SLC3A1: variants seen among roughly 807,000 people sequenced by gnomAD.
SLC3A1 encodes solute carrier family 3 member 1, also known as amino acid transporter heavy chain SLC3A1.
In SLC3A1, 78 loss-of-function variants were observed where a neutral mutation model predicts 60.3. The ratio of observed to expected loss-of-function variants is 1.29; its 90% CI spans 1.08 to 1.56. The LOEUF (loss-of-function observed/expected upper bound fraction) is 1.56, where lower values mean the gene tolerates loss of function less well. Among genes scored for constraint, SLC3A1 ranks in the 40% most tolerant of loss-of-function variants. The pLI, the probability that SLC3A1 is intolerant of heterozygous loss-of-function variation, is 0.00. For missense variants in SLC3A1, 1,172 were observed against 858.9 expected (o/e 1.36, Z -4.56); for synonymous variants, 392 against 307.9 (o/e 1.27, Z -2.86).
intron 3 of SLC3A1, among the ~76,000 whole-genome samples, chr2:44,283,553 A>G (rs1671547073): frequency 6.6e-6 from 1 of 152,212 alleles, no homozygotes; most frequent in South Asian, 2.1e-4. Flanking sequence ...GATGGGATCT[A>G]GTCATTTCAG....
In SLC3A1 at chr2:44,275,759, A is replaced by G. The variant is rs1324549751; in HGVS notation, c.224A>G (p.Gln75Arg). 1.9e-6 allele frequency: 3 copies of G among 1,614,120 alleles called. No individual in the cohort carries two copies. Among genetic ancestry groups the G allele is most frequent in the African/African-American group, 2.7e-5 (2 of 74,956 alleles). The change falls in exon 1 of 10, where the codon CAG (glutamine) becomes CGG (arginine). Residue 75 changes from glutamine (Q) to arginine (R), a missense_variant. Coordinates refer to ENST00000260649, the MANE Select transcript of SLC3A1 (RefSeq NM_000341.4). Reference protein sequence around the residue: ...YAGMPKEVLFQFSGQARYRIP... With the variant: ...YAGMPKEVLFRFSGQARYRIP... ...GGGATGCCCAAGGAGGTGCTGTTCC[A>G]GTTCTCTGGCCAGGCCCGCTACCGC...
chr2:44,320,700 GCTTCATGTA>G lies in SLC3A1; in HGVS notation c.*63_*71del. On this transcript the variant is annotated 3_prime_UTR_variant, in exon 10 of 10. Transcript: ENST00000260649. ...AGTGGGATTGTAAGCATTTGTAATAGCTTCATGTACAGCATGCTGCTTGGTGAACAATCA... is the reference window on the plus strand; with the variant it reads ...AGTGGGATTGTAAGCATTTGTAATAGCAGCATGCTGCTTGGTGAACAATCA... The G allele has an allele frequency of 1.6e-6, 2 of 1,269,192 alleles. No individual in the cohort carries two copies. Among genetic ancestry groups the G allele is most frequent in the Non-Finnish European group, 2.3e-6 (2 of 866,962 alleles). The allele number at this position is 1,269,192 out of a possible 1,614,324, so 78.6% of individuals were successfully genotyped here.
rs1028964297 is a variant in SLC3A1, at chr2:44,301,245, C to G, written c.1136+118C>G. ...AATAATGTAACAAGCCTGCATAACT[C>G]TAATTGATTACAGTTTGGTTGTACC... is the stretch of plus-strand genomic sequence containing the variant. On this transcript the variant is annotated intron_variant, in intron 6 of 9. Transcript: ENST00000260649. 1.6e-5 allele frequency: 21 copies of G among 1,298,678 alleles called. No individual in the cohort carries two copies. The African/African-American group carries it at 2.3e-4, about 15-fold the overall frequency. The allele number at this position is 1,298,678 out of a possible 1,614,324, so 80.4% of individuals were successfully genotyped here.
At chr2:44,281,302 G>T in intron 2 of SLC3A1, 85 bp from the exon 3 acceptor site, 1 of 1,199,500 alleles carries the variant, frequency 8.3e-7, no homozygotes, top group Non-Finnish European at 1.2e-6. Flanking sequence ...GGGGTTACAG[G>T]CGTTAGCCAT....
chr2:44,304,187 T>C lies in SLC3A1; in HGVS notation c.1181T>C (p.Val394Ala), dbSNP rs1238384854. The change falls in exon 7 of 10, where the codon GTG (valine) becomes GCG (alanine). Residue 394 changes from valine to alanine, a missense_variant. Coordinates refer to ENST00000260649, the MANE Select transcript of SLC3A1 (RefSeq NM_000341.4). ...EAYAESIDRT[V>A]MYYGLPFIQE... ...TATGCAGAGAGTATTGACAGGACCG[T>C]GATGTACTATGGATTGCCATTTATC... is the stretch of plus-strand genomic sequence containing the variant. The C allele has an allele frequency of 6.2e-7, 1 of 1,613,982 alleles. No individual in the cohort carries two copies. The highest frequency in any genetic ancestry group is 8.5e-7 in the Non-Finnish European group (1 of 1,179,990).
intron 1 of SLC3A1, among the ~76,000 whole-genome samples, chr2:44,277,773 G>A (rs1671382871): frequency 6.6e-6 from 1 of 152,202 alleles, no homozygotes; most frequent in Admixed American, 6.5e-5. Context: ...CAACATTCCT[G>A]TAAACATGGT....
In SLC3A1 at chr2:44,276,037, C is replaced by A. The variant is rs907153307; in HGVS notation, c.430+72C>A. 4 of 1,354,658 alleles carry A rather than the reference C, an allele frequency of 3.0e-6. No individual in the cohort carries two copies. The Admixed American group carries it at 5.1e-5, about 17-fold the overall frequency. 83.9% of individuals were successfully genotyped at this position (1,354,658 alleles called of 1,614,324 possible). A position where few individuals can be genotyped will look rare whatever the true frequency, so the allele number is the denominator to read the frequency against. Reference sequence around the variant, plus strand: ...TTTATGGTTCTTTTGTTCTTCAGAACCAAATTATGCCTGGGTTGTTCAGTA... The same window carrying A: ...TTTATGGTTCTTTTGTTCTTCAGAAACAAATTATGCCTGGGTTGTTCAGTA... On this transcript the variant is annotated intron_variant, in intron 1 of 9. Transcript: ENST00000260649.
intron 1 of SLC3A1, among the ~76,000 whole-genome samples, chr2:44,279,276 A>G (rs1259218267): frequency 1.3e-5 from 2 of 152,212 alleles, no homozygotes; most frequent in African/African-American, 2.4e-5. Context: ...TTGGGATTAC[A>G]GGCGTAAGCC....
At position 44,286,174 on chromosome 2, in the gene SLC3A1, A is replaced by T. The variant is rs748511582; in HGVS notation, c.891+17A>T. ...GAAATAAAAGTGAGTATAGATACCC[A>T]CACAGACTTCTCCATTAATGGAGGT... is the stretch of plus-strand genomic sequence containing the variant. On this transcript the variant is annotated intron_variant, in intron 4 of 9. Coordinates refer to ENST00000260649, the MANE Select transcript of SLC3A1 (RefSeq NM_000341.4). 6.2e-7 allele frequency: 1 copy of T among 1,612,412 alleles called. No homozygotes were observed. Among genetic ancestry groups the T allele is most frequent in the African/African-American group, 1.3e-5 (1 of 74,900 alleles).
At chr2:44,292,329 C>T (rs938933794) in intron 4 of SLC3A1, among the ~76,000 whole-genome samples, 4 of 152,186 alleles carry the variant, frequency 2.6e-5, no homozygotes, top group African/African-American at 9.7e-5. Context: ...ACAATTCGCT[C>T]ACTACCTGCT....
intron 1 of SLC3A1, among the ~76,000 whole-genome samples, chr2:44,277,227 C>T (rs1671368714): frequency 1.3e-5 from 2 of 151,160 alleles, no homozygotes; most frequent in Admixed American, 6.6e-5. Flanking sequence ...CTCGGCTCAG[C>T]GTTCCGAGTA....
chr2:44,289,033 C>T (rs1432307281), intron 4 of SLC3A1, among the ~76,000 whole-genome samples: 2 of 151,924 alleles, frequency 1.3e-5, no homozygotes. Flanking sequence ...TGGGGTTTCT[C>T]CATGTTGGCC....
At chr2:44,316,009 T>C (rs1030235401) in intron 9 of SLC3A1, among the ~76,000 whole-genome samples, 19 of 152,138 alleles carry the variant, frequency 1.2e-4, no homozygotes, top group Non-Finnish European at 1.9e-4. Context: ...AAGGTGGGAA[T>C]CTAGAAAGCT....
chr2:44,305,590 G>C (rs1672134792), intron 7 of SLC3A1, among the ~76,000 whole-genome samples: 1 of 151,644 alleles, frequency 6.6e-6, no homozygotes, highest in African/African-American at 2.4e-5. Context: ...ACCATGCCTG[G>C]CTAATTTTTT....
chr2:44,289,125 G>A (rs749835569), intron 4 of SLC3A1, among the ~76,000 whole-genome samples: 5 of 150,140 alleles, frequency 3.3e-5, no homozygotes, highest in Admixed American at 1.3e-4. Flanking sequence ...GTGAGCCACC[G>A]CACCTGGCCC....
intron 1 of SLC3A1, among the ~76,000 whole-genome samples, chr2:44,277,593 C>G (rs1671378967): frequency 6.6e-6 from 1 of 152,154 alleles, no homozygotes; most frequent in African/African-American, 2.4e-5. Context: ...TTAATCCTGC[C>G]TTGAGTGACT....
At chr2:44,279,094 GT>G (rs374368270) in intron 1 of SLC3A1, among the ~76,000 whole-genome samples, 6 of 151,946 alleles carry the variant, frequency 3.9e-5, no homozygotes, top group African/African-American at 1.4e-4. Context: ...CGCCTCCCAG[GT>G]TCAAGCAATT....
chr2:44,312,104 CTT>C (rs1672312630), intron 7 of SLC3A1, among the ~76,000 whole-genome samples: 1 of 152,064 alleles, frequency 6.6e-6, no homozygotes, highest in South Asian at 2.1e-4. Context: ...ATAGAAAACA[CTT>C]TATAAAATTT....
At chr2:44,301,341 C>T in intron 6 of SLC3A1, 2 of 660,458 alleles carry the variant, frequency 3.0e-6, no homozygotes, top group Admixed American at 2.2e-5. Flanking sequence ...TAAAATGATG[C>T]AGATCACACT....
Sources: gnomAD v4.1 joint callset for allele counts (sites outside exome capture counted in the v4.1 genomes callset) on GRCh38, gnomAD v4.1.1 for gene constraint, MANE v1.5 for transcripts, NCBI Gene and HGNC (gene_info 2026-07-23, HGNC 2026-07-21) for gene names.